The following CSMD1 variants were observed in gnomAD, a reference collection of about 807,000 sequenced individuals.
CSMD1 encodes the protein CUB and Sushi multiple domains 1.
Under a neutral mutation model 417.5 loss-of-function variants are expected in CSMD1, and 213 were observed. The observed-to-expected ratio is 0.51, with a 90% CI of 0.46 to 0.57. The LOEUF (loss-of-function observed/expected upper bound fraction) is 0.57. Ranked by LOEUF, CSMD1 falls within the 20% of genes least tolerant of loss-of-function variation. The pLI is 0.00. For synonymous variants in CSMD1, 2,862 were observed against 1,736.8 expected (o/e 1.65, Z -16.11); for missense variants, 6,923 against 4,529.7 (o/e 1.53, Z -15.17).
intron 3 of CSMD1, among the ~76,000 whole-genome samples, chr8:4,195,521 T>C (rs188512651): frequency 6.6e-6 from 1 of 152,320 alleles, no homozygotes; most frequent in Admixed American, 6.5e-5. Flanking sequence ...GATCCCCTGC[T>C]CTTGACTGTG....
chr8:3,160,676 T>C (rs1291607097), intron 38 of CSMD1, among the ~76,000 whole-genome samples: 4 of 152,248 alleles, frequency 2.6e-5, no homozygotes, highest in South Asian at 2.1e-4. Context: ...GGTGGCTTTA[T>C]ACATTGATAC....
chr8:4,676,051 A>C lies in CSMD1; in HGVS notation c.86-38493T>G, dbSNP rs1166217833. 2.6e-5 allele frequency among the ~76,000 whole-genome samples: 4 copies of C among 152,320 alleles called. No homozygotes were observed. The East Asian group carries it at 7.7e-4, about 29-fold the overall frequency. On this transcript the variant is annotated intron_variant, in intron 1 of 69. Coordinates refer to ENST00000635120, the MANE Select transcript of CSMD1 (RefSeq NM_033225.6). ...GCAAATTATTCACTTTTATCCTTTC[A>C]ACAGTCCTAGAAAGTAGAAAGAGAA...
At chr8:3,568,702 G>GGT (rs970852310) in intron 10 of CSMD1, among the ~76,000 whole-genome samples, 2 of 151,762 alleles carry the variant, frequency 1.3e-5, no homozygotes, top group African/African-American at 4.8e-5. Flanking sequence ...TGTATATATA[G>GGT]GTGTGTGTGT....
At chr8:4,281,031 G>T (rs1427199185) in intron 3 of CSMD1, among the ~76,000 whole-genome samples, 1 of 152,130 alleles carries the variant, frequency 6.6e-6, no homozygotes, top group African/African-American at 2.4e-5. Context: ...TTAAAATTCT[G>T]TTCCTTGGTC....
intron 3 of CSMD1, among the ~76,000 whole-genome samples, chr8:4,311,834 A>C (rs1798599124): frequency 6.6e-6 from 1 of 151,922 alleles, no homozygotes; most frequent in Non-Finnish European, 1.5e-5. Flanking sequence ...TGCGAAGGAG[A>C]GGAGCGGAAA....
intron 3 of CSMD1, among the ~76,000 whole-genome samples, chr8:4,260,900 G>C (rs1484112496): frequency 1.3e-5 from 2 of 152,108 alleles, no homozygotes; most frequent in African/African-American, 4.8e-5. Context: ...TATTATGATA[G>C]GAACACCACG....
intron 3 of CSMD1, among the ~76,000 whole-genome samples, chr8:4,041,328 A>G (rs1004083893): frequency 6.6e-6 from 1 of 152,178 alleles, no homozygotes; most frequent in East Asian, 1.9e-4. Context: ...GGCCTTTGCC[A>G]TTTTAAACAC....
chr8:3,983,502 A>G (rs1238656783), intron 5 of CSMD1, among the ~76,000 whole-genome samples: 1 of 152,218 alleles, frequency 6.6e-6, no homozygotes, highest in Non-Finnish European at 1.5e-5. Context: ...ATATACTTAC[A>G]GGACTTGGGA....
At chr8:4,326,772 C>T (rs888095925) in intron 3 of CSMD1, among the ~76,000 whole-genome samples, 5 of 151,674 alleles carry the variant, frequency 3.3e-5, no homozygotes, top group East Asian at 1.9e-4. Flanking sequence ...AGATGAGGTA[C>T]GCAGAAATGG....
intron 2 of CSMD1, among the ~76,000 whole-genome samples, chr8:4,425,393 AAAAAT>A (rs961873348): frequency 6.6e-6 from 1 of 150,954 alleles, no homozygotes; most frequent in African/African-American, 2.5e-5. Flanking sequence ...AAAAAAAAAA[AAAAAT>A]AGAGTCCAAC....
intron 5 of CSMD1, among the ~76,000 whole-genome samples, chr8:3,869,237 C>A (rs368696867): frequency 1.7e-4 from 26 of 152,166 alleles, no homozygotes; most frequent in Admixed American, 1.2e-3. Flanking sequence ...CTCTGCCTAG[C>A]ACTGCATGCC....
chr8:3,697,006 G>C (rs1057120913), intron 7 of CSMD1, among the ~76,000 whole-genome samples: 1 of 152,130 alleles, frequency 6.6e-6, no homozygotes, highest in Admixed American at 6.6e-5. Flanking sequence ...AGTAGGTCAT[G>C]GGTTCTGGTG....
intron 3 of CSMD1, among the ~76,000 whole-genome samples, chr8:4,141,595 A>C (rs34825041): frequency 6.6e-6 from 1 of 150,834 alleles, no homozygotes; most frequent in Non-Finnish European, 1.5e-5. Flanking sequence ...GTACTAAGAA[A>C]TGGAGTTGTA....
At chr8:3,841,003 G>C (rs149513830) in intron 5 of CSMD1, among the ~76,000 whole-genome samples, 1 of 152,030 alleles carries the variant, frequency 6.6e-6, no homozygotes, top group Non-Finnish European at 1.5e-5. Context: ...CACTGCAGCT[G>C]TCCGGTGATC....
intron 37 of CSMD1, among the ~76,000 whole-genome samples, chr8:3,175,498 TGCC>T (rs769659208): frequency 0.08 from 9,788 of 121,996 alleles, 448 homozygotes; most frequent in East Asian, 0.25. Context: ...CCTGCCTGCC[TGCC>T]TGCCTGCCTT....
chr8:3,269,680 C>T (rs1265914176), intron 26 of CSMD1, among the ~76,000 whole-genome samples: 20 of 152,150 alleles, frequency 1.3e-4, no homozygotes. Flanking sequence ...ATTTAACCCC[C>T]AGAGTAAAGG....
chr8:3,699,762 G>A (rs1373751014), intron 7 of CSMD1, among the ~76,000 whole-genome samples: 1 of 152,046 alleles, frequency 6.6e-6, no homozygotes, highest in Non-Finnish European at 1.5e-5. Flanking sequence ...CCGCAACGAG[G>A]GACTGTTGAA....
At chr8:4,158,903 G>C (rs1459812656) in intron 3 of CSMD1, among the ~76,000 whole-genome samples, 2 of 152,166 alleles carry the variant, frequency 1.3e-5, no homozygotes, top group Non-Finnish European at 2.9e-5. Flanking sequence ...TGAAAAGAAA[G>C]ATTATCTTTC....
At chr8:2,947,881 T>C (rs563226536) in intron 68 of CSMD1, among the ~76,000 whole-genome samples, 27 of 152,066 alleles carry the variant, frequency 1.8e-4, no homozygotes, top group South Asian at 6.2e-4. Flanking sequence ...TATTTAATAA[T>C]ACTGTGGGTT....
Sources: gnomAD v4.1 joint callset for allele counts (sites outside exome capture counted in the v4.1 genomes callset) on GRCh38, gnomAD v4.1.1 for gene constraint, MANE v1.5 for transcripts, NCBI Gene and HGNC (gene_info 2026-07-23, HGNC 2026-07-21) for gene names.